Variants in DCDC1 observed in about 807,000 individuals in gnomAD.
The protein encoded by DCDC1 is doublecortin domain-containing protein 1.
Under a neutral mutation model 178.3 loss-of-function variants are expected in DCDC1, and 200 were observed. That is an observed-to-expected ratio of 1.12 (90% confidence interval 1.00 to 1.26). The LOEUF (loss-of-function observed/expected upper bound fraction) is 1.26, where lower values mean the gene tolerates loss of function less well. Ranked by LOEUF, DCDC1 falls within the 50% of genes most tolerant of loss-of-function variation. The pLI is 0.00. For missense variants in DCDC1, 1,983 were observed against 1,749.2 expected, an observed-to-expected ratio of 1.13 and a Z score of -2.38; for synonymous variants, 690 against 604.8, an observed-to-expected ratio of 1.14 and a Z score of -2.07.
chr11:31,103,143 A>G (rs1565286693), intron 14 of DCDC1, among the ~76,000 whole-genome samples: 1 of 152,314 alleles, frequency 6.6e-6, no homozygotes, highest in East Asian at 1.9e-4. Flanking sequence ...AGAAACCAAC[A>G]CCAATCTGCT....
chr11:31,116,232 T>C (rs894559295), intron 11 of DCDC1, among the ~76,000 whole-genome samples: 4 of 57,614 alleles, frequency 6.9e-5, no homozygotes, highest in Admixed American at 4.8e-4. Flanking sequence ...ACTATAGATA[T>C]CAAAATTTAC....
intron 3 of DCDC1, chr11:31,312,638 G>A (rs1948838280): frequency 6.6e-6 from 1 of 152,144 alleles, no homozygotes; most frequent in Non-Finnish European, 1.5e-5. Context: ...TACTGCTTCA[G>A]CTAGGACATT....
intron 6 of DCDC1, among the ~76,000 whole-genome samples, chr11:31,295,616 C>A (rs949577018): frequency 7.2e-5 from 11 of 152,188 alleles, no homozygotes; most frequent in Non-Finnish European, 8.8e-5. Flanking sequence ...GGGAGCAATT[C>A]TCTGGTGTCT....
At chr11:31,355,791 G>A (rs1410373284) in intron 1 of DCDC1, among the ~76,000 whole-genome samples, 6 of 151,912 alleles carry the variant, frequency 3.9e-5, no homozygotes, top group African/African-American at 9.7e-5. Context: ...CCGGTCTCGA[G>A]CTCCCGACCT....
intron 21 of DCDC1, among the ~76,000 whole-genome samples, chr11:30,949,604 C>G (rs556412926): frequency 6.6e-6 from 1 of 152,176 alleles, no homozygotes; most frequent in Admixed American, 6.5e-5. Context: ...TGAAACCAAC[C>G]CAAATGCCCA....
chr11:31,213,098 AGC>A (rs1565441554), intron 9 of DCDC1, among the ~76,000 whole-genome samples: 11 of 47,602 alleles, frequency 2.3e-4, no homozygotes. Flanking sequence ...TATAAAGCCC[AGC>A]CTCTCTCTCT....
intron 20 of DCDC1, among the ~76,000 whole-genome samples, chr11:31,049,762 C>A (rs1174090667): frequency 1.3e-5 from 2 of 152,116 alleles, no homozygotes; most frequent in Admixed American, 6.5e-5. Context: ...GGTCTGTTTG[C>A]GGGAGAAGTT....
chr11:30,891,824 G>A (rs545845447), intron 36 of DCDC1, among the ~76,000 whole-genome samples: 1 of 152,180 alleles, frequency 6.6e-6, no homozygotes, highest in East Asian at 1.9e-4. Context: ...TGAAATTGCT[G>A]TCACCATTCT....
In DCDC1 at chr11:30,989,136, G is replaced by A. The variant is rs533089318; in HGVS notation, c.2592-36568C>T. Among the ~76,000 whole-genome samples the A allele has an allele frequency of 1.1e-3, 175 of 152,224 alleles. 1 individual carries two copies. Among genetic ancestry groups the A allele is most frequent in the African/African-American group, 3.9e-3 (164 of 41,534 alleles). On this transcript the variant is annotated intron_variant, in intron 20 of 38. Coordinates refer to ENST00000684477, the MANE Select transcript of DCDC1 (RefSeq NM_001387274.1). Reference sequence around the variant, plus strand: ...TTTAGAGTTAGGACAAAATAAGAGGGGGGGCAGTAAAAGAGATTGAAAAGG... The same window carrying A: ...TTTAGAGTTAGGACAAAATAAGAGGAGGGGCAGTAAAAGAGATTGAAAAGG...
At chr11:31,103,829 G>A (rs1049715013) in intron 13 of DCDC1, 60 bp from the exon 14 acceptor site, 2 of 736,024 alleles carry the variant, frequency 2.7e-6, no homozygotes, top group Non-Finnish European at 4.9e-6. Flanking sequence ...TGTAATTTGA[G>A]CACAAATAAA....
At chr11:31,240,290 G>A (rs1021891380) in intron 9 of DCDC1, among the ~76,000 whole-genome samples, 6 of 151,708 alleles carry the variant, frequency 4.0e-5, no homozygotes, top group South Asian at 4.2e-4. Flanking sequence ...AAGAACATTC[G>A]TTTGGATTTT....
At chr11:30,896,913 C>T (rs1944267073) in intron 34 of DCDC1, among the ~76,000 whole-genome samples, 1 of 152,174 alleles carries the variant, frequency 6.6e-6, no homozygotes, top group South Asian at 2.1e-4. Context: ...ATAGCATATG[C>T]TCAATAAATG....
At chr11:30,924,855 C>T (rs1481122616) in intron 23 of DCDC1, among the ~76,000 whole-genome samples, 5 of 152,002 alleles carry the variant, frequency 3.3e-5, no homozygotes, top group Non-Finnish European at 7.4e-5. Flanking sequence ...GGTGGATCAC[C>T]TGAGCTCAGG....
intron 9 of DCDC1, among the ~76,000 whole-genome samples, chr11:31,157,348 C>G (rs1166676528): frequency 6.5e-5 from 7 of 107,902 alleles, no homozygotes; most frequent in Non-Finnish European, 1.1e-4. Context: ...AGAGCAAGAC[C>G]CTTTCTCAAA....
intron 35 of DCDC1, 144 bp downstream of exon 35, chr11:30,894,104 C>G (rs947311429): frequency 8.6e-7 from 1 of 1,161,934 alleles, no homozygotes; most frequent in African/African-American, 1.6e-5. Flanking sequence ...AATGCCAACT[C>G]AATGCTTGGC....
chr11:31,328,815 A>AAAAAAAAAAAAAGGATT (rs1256086614), intron 2 of DCDC1, among the ~76,000 whole-genome samples: 16 of 149,338 alleles, frequency 1.1e-4, no homozygotes, highest in African/African-American at 3.8e-4. Context: ...CATCTCAAAA[A>AAAAAAAAAAAAAGGATT]AAAAAAAAAA....
intron 30 of DCDC1, 88 bp downstream of exon 30, chr11:30,906,452 G>A: frequency 7.5e-7 from 1 of 1,338,076 alleles, no homozygotes; most frequent in Non-Finnish European, 1.0e-6. Flanking sequence ...GAGTGGAGAT[G>A]AACTTGAGTG....
intron 20 of DCDC1, among the ~76,000 whole-genome samples, chr11:30,971,126 C>A (rs919897607): frequency 2.6e-5 from 4 of 152,192 alleles, no homozygotes; most frequent in Non-Finnish European, 5.9e-5. Context: ...ACTGACCCAA[C>A]CAACACCGTA....
chr11:31,306,716 T>C (rs1948484591), intron 4 of DCDC1, among the ~76,000 whole-genome samples: 1 of 151,808 alleles, frequency 6.6e-6, no homozygotes, highest in South Asian at 2.1e-4. Flanking sequence ...AACTAAAAAT[T>C]ATATATATGA....
Sources: allele counts gnomAD v4.1 joint callset (sites outside exome capture counted in the v4.1 genomes callset), GRCh38; gene constraint gnomAD v4.1.1; transcripts MANE v1.5; gene names NCBI Gene and HGNC (gene_info 2026-07-23, HGNC 2026-07-21).